The following WHAMM variants were observed in gnomAD, a reference collection of about 807,000 sequenced individuals.
WHAMM encodes WASP homolog-associated protein with actin, membranes and microtubules.
Under a neutral mutation model 76.5 loss-of-function variants are expected in WHAMM, and 67 were observed. The observed-to-expected ratio is 0.88, with a 90% CI of 0.72 to 1.07. The LOEUF (loss-of-function observed/expected upper bound fraction) is 1.07. Ranked by LOEUF, WHAMM falls within the 50% of genes least tolerant of loss-of-function variation. The pLI, the probability that WHAMM is intolerant of heterozygous loss-of-function variation, is 0.00. For synonymous variants in WHAMM, 419 were observed against 422.1 expected (o/e 0.99, Z 0.09); for missense variants, 1,021 against 1,051.1 (o/e 0.97, Z 0.40).
chr15:82,831,120 T>G (rs759139566), intron 9 of WHAMM, 41 bp downstream of exon 9: 11 of 1,581,088 alleles, frequency 7.0e-6, no homozygotes, highest in Non-Finnish European at 9.4e-6. Flanking sequence ...CATGAGTTGT[T>G]AAGCTGTTGA....
At position 82,810,650 on chromosome 15, in the gene WHAMM, A is replaced by AT. The variant is rs2050613280; in HGVS notation, c.609+316dup. 5.1e-6 allele frequency: 5 copies of AT among 985,370 alleles called. No homozygotes were observed. The South Asian group carries it at 1.9e-4, about 37-fold the overall frequency. The allele number at this position is 985,370 out of a possible 1,614,324, so 61.0% of individuals were successfully genotyped here. ...GATGTTGTAACAGGAAATGCCAGAA[A>AT]TATTGCAAGCAAGACTGAAAACAAC... On this transcript the variant is annotated intron_variant, in intron 1 of 9. Coordinates refer to ENST00000286760, the MANE Select transcript of WHAMM (RefSeq NM_001080435.3).
chr15:82,831,487 A>C (rs1037762900), intron 9 of WHAMM, among the ~76,000 whole-genome samples: 10 of 152,318 alleles, frequency 6.6e-5, no homozygotes, highest in Non-Finnish European at 1.3e-4. Context: ...CAGTTGTTGT[A>C]TTTTAAGCAG....
In WHAMM at chr15:82,833,776, G is replaced by A. The variant is rs557101981; in HGVS notation, c.*240G>A. On this transcript the variant is annotated 3_prime_UTR_variant, in exon 10 of 10. Coordinates refer to ENST00000286760, the MANE Select transcript of WHAMM (RefSeq NM_001080435.3). ...GCCATCTCGGCTCACCGCAAGCTCC[G>A]CTTCCCAGGCTGGGGTGCAGTGGTG... is the stretch of plus-strand genomic sequence containing the variant. The A allele has an allele frequency of 1.8e-4, 89 of 489,372 alleles. No individual in the cohort carries two copies. The highest frequency in any genetic ancestry group is 3.5e-4 in the South Asian group (14 of 39,586). 30.3% of individuals were successfully genotyped at this position (489,372 alleles called of 1,614,324 possible). A position where few individuals can be genotyped will look rare whatever the true frequency, so the allele number is the denominator to read the frequency against.
At chr15:82,811,035 G>A (rs2151554845) in intron 1 of WHAMM, among the ~76,000 whole-genome samples, 1 of 152,316 alleles carries the variant, frequency 6.6e-6, no homozygotes, top group East Asian at 1.9e-4. Flanking sequence ...GGAGAGCCAG[G>A]CTGGAGTCTC....
At chr15:82,831,506 T>C (rs1833186434) in intron 9 of WHAMM, among the ~76,000 whole-genome samples, 1 of 152,188 alleles carries the variant, frequency 6.6e-6, no homozygotes, top group African/African-American at 2.4e-5. Context: ...AGAATACTGG[T>C]TGGAAATTAC....
Position 82,818,008 on chromosome 15 carries a change from A to G in WHAMM, c.1023A>G (p.Leu341=). ...TTCCCAGGTTGGAAAAACTTCAGCT[A>G]ATGCTAGCTCGAGAGACTCTGCAAC... ...TAIPRLEKLQ[L]MLARETLQLM... Residue 341 remains leucine, a synonymous_variant, in exon 4 of 10, where the codon CTA becomes CTG. Coordinates refer to ENST00000286760, the MANE Select transcript of WHAMM (RefSeq NM_001080435.3). 6.5e-7 allele frequency: 1 copy of G among 1,549,324 alleles called. No individual in the cohort carries two copies. The highest frequency in any genetic ancestry group is 8.7e-7 in the Non-Finnish European group (1 of 1,146,546).
At position 82,830,774 on chromosome 15, in the gene WHAMM, G is replaced by C; in HGVS notation, c.1817G>C (p.Ser606Thr). ...CTATCGGAAGCTGGTAATGTGAAAA[G>C]CCCCAAGTGTCAAAACTGTCATGGA... ...VPLSEAGNVK[S>T]PKCQNCHGNI... The change falls in exon 9 of 10, where the codon AGC (serine) becomes ACC (threonine). Residue 606 changes from serine to threonine, a missense_variant. Physicochemically the swap from Ser to Thr is moderately conservative, Grantham distance 58. This residue lies in a region of WHAMM where 509 missense variants were observed against 492.3 expected (regional missense o/e 1.03). Transcript: ENST00000286760. 9.3e-6 allele frequency: 15 copies of C among 1,613,886 alleles called. No individual in the cohort carries two copies. The highest frequency in any genetic ancestry group is 1.3e-5 in the Non-Finnish European group (15 of 1,179,856).
In WHAMM at chr15:82,810,120, C is replaced by A; in HGVS notation, c.394C>A (p.Pro132Thr). The A allele has an allele frequency of 7.4e-7, 1 of 1,344,838 alleles. No homozygotes were observed. Among genetic ancestry groups the A allele is most frequent in the Non-Finnish European group, 9.6e-7 (1 of 1,041,494 alleles). The allele number at this position is 1,344,838 out of a possible 1,614,324, so 83.3% of individuals were successfully genotyped here. Residue 132 changes from proline (P) to threonine (T), a missense_variant, in exon 1 of 10, where the codon CCG (proline) becomes ACG (threonine). Pro to Thr is a conservative substitution (Grantham distance 38). Coordinates refer to ENST00000286760, the MANE Select transcript of WHAMM (RefSeq NM_001080435.3). The stretch of plus-strand genomic sequence containing the variant: ...GCTCGGGCTGTGGGCGCTGCTGTGG[C>A]CGACGCGCGCGGGTCCCGGCGAGGC... ...LGLGLWALLW[P>T]TRAGPGEAAL...
chr15:82,824,890 C>G (rs1038755469), intron 6 of WHAMM, among the ~76,000 whole-genome samples: 15 of 152,184 alleles, frequency 9.9e-5, no homozygotes, highest in Non-Finnish European at 1.6e-4. Flanking sequence ...GGTGCCATGG[C>G]TTATGCCTGT....
At chr15:82,813,386 T>C in intron 2 of WHAMM, 110 bp downstream of exon 2, 1 of 1,050,404 alleles carries the variant, frequency 9.5e-7, no homozygotes, top group Non-Finnish European at 1.3e-6. Flanking sequence ...GGGTTTACCA[T>C]TATGTTTATT....
chr15:82,830,989 G>C lies in WHAMM; in HGVS notation c.2032G>C (p.Ala678Pro). 6.2e-7 allele frequency: 1 copy of C among 1,611,324 alleles called. No individual in the cohort carries two copies. Among genetic ancestry groups the C allele is most frequent in the Non-Finnish European group, 8.5e-7 (1 of 1,179,536 alleles). Residue 678 changes from alanine to proline, a missense_variant, in exon 9 of 10, where the codon GCT becomes CCT. By Grantham distance (27) the Ala-to-Pro change is conservative (BLOSUM62 -1). This residue lies in a region of WHAMM where 509 missense variants were observed against 492.3 expected (regional missense o/e 1.03). Coordinates refer to ENST00000286760, the MANE Select transcript of WHAMM (RefSeq NM_001080435.3). ...AACTCATCAGAACTTAGGCTTCCGG[G>C]CTCCAGTGAAAGATGACCAGCCACG... ...AATHQNLGFR[A>P]PVKDDQPRPL... is the part of the protein sequence containing the mutation.
At chr15:82,833,093 G>T in intron 9 of WHAMM, 136 bp from the exon 10 acceptor site, 2 of 1,025,514 alleles carry the variant, frequency 2.0e-6, no homozygotes, top group Non-Finnish European at 1.4e-6. Flanking sequence ...CGTAATCAAG[G>T]CATTTGCTTA....
At chr15:82,812,738 G>T (rs911318360) in intron 1 of WHAMM, among the ~76,000 whole-genome samples, 19 of 151,232 alleles carry the variant, frequency 1.3e-4, no homozygotes, top group African/African-American at 4.1e-4. Flanking sequence ...TTGTTGCCCA[G>T]GCTGGAACCA....
intron 2 of WHAMM, among the ~76,000 whole-genome samples, chr15:82,815,050 G>A (rs1413246297): frequency 4.8e-5 from 7 of 146,054 alleles, no homozygotes; most frequent in African/African-American, 1.5e-4. Context: ...GATTACAGGC[G>A]TGAGCCACCG....
intron 6 of WHAMM, among the ~76,000 whole-genome samples, chr15:82,825,059 A>T (rs112417816): frequency 6.6e-6 from 1 of 152,258 alleles, no homozygotes; most frequent in African/African-American, 2.4e-5. Context: ...CAGGATGTTG[A>T]GGCTTCAGTG....
At chr15:82,831,285 TAA>T (rs2051029400) in intron 9 of WHAMM, among the ~76,000 whole-genome samples, 1 of 152,242 alleles carries the variant, frequency 6.6e-6, no homozygotes, top group African/African-American at 2.4e-5. Context: ...TCATAAATGT[TAA>T]TTCAGTTTGA....
At chr15:82,819,663 G>T (rs2050786420) in intron 5 of WHAMM, among the ~76,000 whole-genome samples, 175 bp downstream of exon 5, 1 of 152,168 alleles carries the variant, frequency 6.6e-6, no homozygotes, top group Non-Finnish European at 1.5e-5. Context: ...AACAAAGAAA[G>T]AAAAATGATT....
At position 82,819,436 on chromosome 15, in the gene WHAMM, C is replaced by T. The variant is rs563056953; in HGVS notation, c.1218C>T (p.Asn406=). The T allele has an allele frequency of 2.3e-5, 29 of 1,265,540 alleles. No individual in the cohort carries two copies. Among genetic ancestry groups the T allele is most frequent in the Middle Eastern group, 2.0e-4 (1 of 5,110 alleles). 78.4% of individuals were successfully genotyped at this position (1,265,540 alleles called of 1,614,324 possible). A position where few individuals can be genotyped will look rare whatever the true frequency, so the allele number is the denominator to read the frequency against. ...AAGTTAAATTTGAGATATTAAAAAA[C>T]GAAGAAATACTGCTTACTACACAGT... ...LYEVKFEILK[N]EEILLTTQLD... is the part of the protein sequence containing the mutation. Residue 406 remains asparagine, a synonymous_variant, in exon 5 of 10, where the codon AAC becomes AAT. Transcript: ENST00000286760.
At chr15:82,831,193 C>A in intron 9 of WHAMM, 114 bp downstream of exon 9, 1 of 1,488,350 alleles carries the variant, frequency 6.7e-7, no homozygotes, top group Non-Finnish European at 8.9e-7. Flanking sequence ...TCTCTATAGC[C>A]TTAAAATATT....
Sources: gnomAD v4.1 joint callset for allele counts (sites outside exome capture counted in the v4.1 genomes callset) on GRCh38, gnomAD v4.1.1 for gene constraint, gnomAD v4.1.1 regional missense constraint, MANE v1.5 for transcripts, NCBI Gene and HGNC (gene_info 2026-07-23, HGNC 2026-07-21) for gene names.